The following DIAPH2 variants were observed in gnomAD, a reference collection of about 807,000 sequenced individuals.
DIAPH2 encodes protein diaphanous homolog 2.
A neutral mutation model predicts 92.7 loss-of-function variants in DIAPH2; 35 were observed. The ratio of observed to expected loss-of-function variants is 0.38; its 90% CI spans 0.29 to 0.50. The LOEUF is 0.50. Ranked by LOEUF, DIAPH2 falls within the 20% of genes least tolerant of loss-of-function variation. DIAPH2 has a pLI of 0.94. For missense variants in DIAPH2, 701 were observed against 819.5 expected (o/e 0.86, Z 1.77); for synonymous variants, 301 against 280.4 (o/e 1.07, Z -0.73).
At chrX:97,021,168 A>G (rs991558278) in intron 17 of DIAPH2, among the ~76,000 whole-genome samples, 1 of 111,719 alleles carries the variant, frequency 9.0e-6, no homozygotes, top group African/African-American at 3.3e-5. Context: ...CATTCCTCTT[A>G]GTGTCCTTAG....
chrX:97,574,878 A>G (rs1481619959), intron 26 of DIAPH2, among the ~76,000 whole-genome samples: 3 of 112,049 alleles, frequency 2.7e-5, no homozygotes, highest in Non-Finnish European at 5.6e-5. Context: ...GGTAAGGGTG[A>G]GGCTAGAGAC....
chrX:97,113,974 T>A (rs651436), intron 20 of DIAPH2, among the ~76,000 whole-genome samples: 7,520 of 111,387 alleles, frequency 0.068, 623 homozygotes, highest in African/African-American at 0.23. Context: ...ACTAAAACAA[T>A]TATTATCATA....
chrX:97,395,400 A>G (rs1023988380), intron 25 of DIAPH2, among the ~76,000 whole-genome samples: 1 of 111,886 alleles, frequency 8.9e-6, no homozygotes, highest in African/African-American at 3.2e-5. Context: ...GCACATAGAT[A>G]TAATTTTGGA....
chrX:97,290,900 C>A (rs772310339), intron 23 of DIAPH2, among the ~76,000 whole-genome samples: 5 of 110,370 alleles, frequency 4.5e-5, no homozygotes, highest in African/African-American at 1.6e-4. Flanking sequence ...CGTGGTGAAA[C>A]CCTGTCTCTA....
intron 26 of DIAPH2, among the ~76,000 whole-genome samples, chrX:97,511,972 T>A (rs1201748983): frequency 8.8e-6 from 1 of 113,602 alleles, no homozygotes; most frequent in East Asian, 2.7e-4. Context: ...AAAATTCTCT[T>A]TTTTGGTTGT....
At chrX:96,967,829 G>T (rs967902565) in intron 17 of DIAPH2, among the ~76,000 whole-genome samples, 2 of 111,483 alleles carry the variant, frequency 1.8e-5, no homozygotes, top group African/African-American at 3.3e-5. Context: ...CCTTGTCTTC[G>T]CTATTGTAAA....
intron 21 of DIAPH2, among the ~76,000 whole-genome samples, chrX:97,131,215 C>T (rs1027212578): frequency 1.8e-5 from 2 of 111,334 alleles, no homozygotes; most frequent in Non-Finnish European, 3.8e-5. Flanking sequence ...TGAAAATGTT[C>T]GATGAGATAA....
chrX:96,878,091 C>T (rs1569418291), intron 4 of DIAPH2, among the ~76,000 whole-genome samples: 1 of 111,577 alleles, frequency 9.0e-6, no homozygotes, highest in East Asian at 2.8e-4. Flanking sequence ...TGTTAATAAG[C>T]CATTCTTGTC....
intron 26 of DIAPH2, among the ~76,000 whole-genome samples, chrX:97,435,790 CTTTTTTTTTTTCTTTTTTTCCTT>C (rs1569396743): frequency 1.0e-5 from 1 of 100,437 alleles, no homozygotes; most frequent in Non-Finnish European, 2.0e-5. Context: ...GAAAATGACT[CTTTTTTTTTTTCTTTTTTTCCTT>C]TTTTTTTTTT....
chrX:96,715,205 T>C (rs182935921), intron 1 of DIAPH2, among the ~76,000 whole-genome samples: 6 of 111,839 alleles, frequency 5.4e-5, no homozygotes, highest in African/African-American at 1.9e-4. Context: ...CAAAATCACA[T>C]GTATGATTTA....
At chrX:96,853,904 T>G (rs765686573) in intron 4 of DIAPH2, among the ~76,000 whole-genome samples, 6 of 111,886 alleles carry the variant, frequency 5.4e-5, no homozygotes, top group Non-Finnish European at 9.4e-5. Flanking sequence ...TACGCTAGAT[T>G]TAAATGTTTA....
chrX:96,876,748 C>T (rs894300088), intron 4 of DIAPH2, among the ~76,000 whole-genome samples: 82 of 90,649 alleles, frequency 9.0e-4, no homozygotes, highest in African/African-American at 2.3e-3. Flanking sequence ...CATCACACAC[C>T]GGGGCCTGTT....
chrX:97,252,204 A>G (rs1408894948), intron 23 of DIAPH2, among the ~76,000 whole-genome samples: 1 of 111,899 alleles, frequency 8.9e-6, no homozygotes. Context: ...GATTTTGTCA[A>G]TGGCAGGGTT....
intron 5 of DIAPH2, among the ~76,000 whole-genome samples, chrX:96,897,105 A>G (rs1331145231): frequency 8.9e-6 from 1 of 111,823 alleles, no homozygotes; most frequent in Non-Finnish European, 1.9e-5. Flanking sequence ...ATCGTACATC[A>G]TGGCGACTGT....
At chrX:97,424,013 A>C (rs2070037109) in intron 25 of DIAPH2, among the ~76,000 whole-genome samples, 1 of 112,041 alleles carries the variant, frequency 8.9e-6, no homozygotes, top group Admixed American at 9.5e-5. Context: ...ATCACATACA[A>C]AATTTCACTG....
chrX:97,414,948 A>G (rs2069925860), intron 25 of DIAPH2, among the ~76,000 whole-genome samples: 1 of 111,897 alleles, frequency 8.9e-6, no homozygotes, highest in African/African-American at 3.3e-5. Flanking sequence ...AATTTTCACA[A>G]TCTACCCATC....
intron 1 of DIAPH2, among the ~76,000 whole-genome samples, chrX:96,718,342 T>G (rs2063966832): frequency 4.2e-5 from 2 of 47,093 alleles, no homozygotes; most frequent in African/African-American, 7.4e-5. Context: ...CTTTGTTTTT[T>G]TTTTTTTTTT....
rs776209393 is a variant in DIAPH2, at chrX:97,533,810, CT to C, written c.3242-65441del. Among the ~76,000 whole-genome samples the C allele has an allele frequency of 9.3e-4, 104 of 111,763 alleles. 1 individual carries two copies. Among genetic ancestry groups the C allele is most frequent in the Non-Finnish European group, 1.5e-3 (79 of 53,097 alleles). On this transcript the variant is annotated intron_variant, in intron 26 of 26. Coordinates refer to ENST00000324765, the MANE Select transcript of DIAPH2 (RefSeq NM_006729.5). The stretch of plus-strand genomic sequence containing the variant: ...CTTTACCACAACAGTTGCATGTCAT[CT>C]TGTATTAATTTCTTTTGGAATGAGA...
chrX:97,295,026 C>G (rs2068631753), intron 23 of DIAPH2, among the ~76,000 whole-genome samples: 1 of 111,530 alleles, frequency 9.0e-6, no homozygotes, highest in Non-Finnish European at 1.9e-5. Flanking sequence ...CAGCCCTAAT[C>G]TTCTAACCAT....
Sources: gnomAD v4.1 joint callset for allele counts (sites outside exome capture counted in the v4.1 genomes callset) on GRCh38, gnomAD v4.1.1 for gene constraint, MANE v1.5 for transcripts, NCBI Gene and HGNC (gene_info 2026-07-23, HGNC 2026-07-21) for gene names.